Variants in PRKG1 observed in about 807,000 individuals in gnomAD.
PRKG1 encodes protein kinase cGMP-dependent 1, also known as cGMP-dependent protein kinase 1.
In PRKG1, 35 loss-of-function variants were observed where a neutral mutation model predicts 88.1. That is an observed-to-expected ratio of 0.40 (90% CI 0.30 to 0.53). The LOEUF (loss-of-function observed/expected upper bound fraction) is 0.53. Ranked by LOEUF, PRKG1 falls within the 20% of genes least tolerant of loss-of-function variation. The pLI is 0.59. For missense variants in PRKG1, 540 were observed against 839.8 expected (o/e 0.64, Z 4.41); for synonymous variants, 303 against 292.5 (o/e 1.04, Z -0.37).
intron 2 of PRKG1, among the ~76,000 whole-genome samples, chr10:51,371,069 C>A (rs1379708789): frequency 6.6e-6 from 1 of 152,060 alleles, no homozygotes; most frequent in Admixed American, 6.6e-5. Context: ...TCTGCAGTGG[C>A]CTTTGCCTCC....
At chr10:51,538,611 C>T (rs1043780410) in intron 3 of PRKG1, among the ~76,000 whole-genome samples, 1 of 150,600 alleles carries the variant, frequency 6.6e-6, no homozygotes, top group Non-Finnish European at 1.5e-5. Flanking sequence ...TTCTACCATA[C>T]CTGACTGTGG....
intron 5 of PRKG1, chr10:51,910,291 G>A (rs1269950497): frequency 6.6e-6 from 1 of 152,116 alleles, no homozygotes; most frequent in African/African-American, 2.4e-5. Context: ...ATTGTGATTA[G>A]GCCATCTGTG....
rs1281065221 is a variant in PRKG1 at position 51,730,718 on chromosome 10, G to T, written c.593-73867G>T. ...CAATCTATGTAACCCCAGTTTGGACGAAGATAAAGTGAGTTAAACCTTCCT... is the reference window on the plus strand; with the variant it reads ...CAATCTATGTAACCCCAGTTTGGACTAAGATAAAGTGAGTTAAACCTTCCT... On this transcript the variant is annotated intron_variant, in intron 3 of 17. Transcript: ENST00000373980. Among the ~76,000 whole-genome samples, 6 of 152,318 alleles carry T rather than the reference G, an allele frequency of 3.9e-5. No homozygotes were observed. The South Asian group carries it at 8.3e-4, about 21-fold the overall frequency.
chr10:51,840,974 G>A (rs958992305), intron 4 of PRKG1, among the ~76,000 whole-genome samples: 1 of 152,166 alleles, frequency 6.6e-6, no homozygotes, highest in Non-Finnish European at 1.5e-5. Flanking sequence ...TGGAATACAG[G>A]TTATGAATCC....
intron 5 of PRKG1, among the ~76,000 whole-genome samples, chr10:51,981,301 A>C (rs1224704288): frequency 6.6e-6 from 1 of 152,102 alleles, no homozygotes; most frequent in East Asian, 1.9e-4. Flanking sequence ...AAGAATGTCA[A>C]ATGGCTAGGC....
chr10:50,992,760 C>G (rs774659354), intron 1 of PRKG1, among the ~76,000 whole-genome samples: 1 of 150,582 alleles, frequency 6.6e-6, no homozygotes, highest in Non-Finnish European at 1.5e-5. Context: ...AGCATTAAAG[C>G]GCCTCTGGAC....
chr10:51,547,652 G>T (rs982980024), intron 3 of PRKG1, among the ~76,000 whole-genome samples: 3 of 151,956 alleles, frequency 2.0e-5, no homozygotes, highest in African/African-American at 7.3e-5. Flanking sequence ...ACGAGTAATG[G>T]TCTTTTAAAA....
At chr10:51,828,705 AAG>A (rs560298397) in intron 4 of PRKG1, among the ~76,000 whole-genome samples, 148 of 152,290 alleles carry the variant, frequency 9.7e-4, no homozygotes, top group African/African-American at 3.5e-3. Context: ...GAATATAGGA[AAG>A]AGTTACTGCT....
chr10:51,342,923 C>T (rs900683748), intron 2 of PRKG1, among the ~76,000 whole-genome samples: 1 of 152,128 alleles, frequency 6.6e-6, no homozygotes, highest in Non-Finnish European at 1.5e-5. Flanking sequence ...AGGAGGGGTT[C>T]ATCCATGAGA....
At chr10:51,104,615 G>A (rs1482877208) in intron 1 of PRKG1, among the ~76,000 whole-genome samples, 1 of 152,108 alleles carries the variant, frequency 6.6e-6, no homozygotes, top group African/African-American at 2.4e-5. Flanking sequence ...CACCTCCTAG[G>A]TTCAAGTGAT....
intron 9 of PRKG1, among the ~76,000 whole-genome samples, 158 bp from the exon 10 acceptor site, chr10:52,251,412 A>G (rs1263269728): frequency 2.0e-5 from 3 of 152,162 alleles, no homozygotes; most frequent in African/African-American, 7.2e-5. Flanking sequence ...AACTGGGACC[A>G]AAAAATTATG....
At chr10:51,079,530 T>A (rs1844052728) in intron 1 of PRKG1, among the ~76,000 whole-genome samples, 1 of 152,110 alleles carries the variant, frequency 6.6e-6, no homozygotes, top group East Asian at 1.9e-4. Context: ...CTCTGGGAAT[T>A]GGGAGCAACT....
At chr10:51,331,873 A>G (rs748404216) in intron 2 of PRKG1, among the ~76,000 whole-genome samples, 18 of 152,192 alleles carry the variant, frequency 1.2e-4, no homozygotes, top group Non-Finnish European at 2.4e-4. Flanking sequence ...CATGTGGCTT[A>G]ATGGGTGTTT....
chr10:51,906,454 A>G (rs536926828), intron 4 of PRKG1, among the ~76,000 whole-genome samples: 1 of 152,296 alleles, frequency 6.6e-6, no homozygotes, highest in Admixed American at 6.5e-5. Context: ...GACATCCATC[A>G]GTACATATAA....
At chr10:51,290,184 G>A (rs1031888157) in intron 2 of PRKG1, among the ~76,000 whole-genome samples, 3 of 152,024 alleles carry the variant, frequency 2.0e-5, no homozygotes, top group Admixed American at 2.0e-4. Flanking sequence ...AGGCTAAAGC[G>A]AACTATGATT....
At chr10:51,506,376 G>C (rs10823094) in intron 3 of PRKG1, among the ~76,000 whole-genome samples, 36,591 of 151,918 alleles carry the variant, frequency 0.24, 4,804 homozygotes, top group Admixed American at 0.32. Context: ...GCAACCTACA[G>C]AATGGGAGAA....
At chr10:51,275,443 T>C (rs1454410482) in intron 2 of PRKG1, among the ~76,000 whole-genome samples, 2 of 152,202 alleles carry the variant, frequency 1.3e-5, no homozygotes, top group Admixed American at 1.3e-4. Flanking sequence ...GAAAATGTCT[T>C]TGCACATCAT....
At chr10:51,157,478 C>A (rs945610632) in intron 2 of PRKG1, among the ~76,000 whole-genome samples, 1 of 151,812 alleles carries the variant, frequency 6.6e-6, no homozygotes, top group Non-Finnish European at 1.5e-5. Flanking sequence ...TGTGTTAATA[C>A]TCTTATATTC....
At chr10:52,265,443 G>C (rs1183906177) in intron 10 of PRKG1, among the ~76,000 whole-genome samples, 1 of 152,058 alleles carries the variant, frequency 6.6e-6, no homozygotes, top group Admixed American at 6.6e-5. Flanking sequence ...AAATAATTAA[G>C]ATATTGACAG....
Sources: gnomAD v4.1 joint callset for allele counts (sites outside exome capture counted in the v4.1 genomes callset) on GRCh38, gnomAD v4.1.1 for gene constraint, MANE v1.5 for transcripts, NCBI Gene and HGNC (gene_info 2026-07-23, HGNC 2026-07-21) for gene names.